The following PTPRM variants were observed in gnomAD, a reference collection of about 807,000 sequenced individuals.
The protein encoded by PTPRM is protein tyrosine phosphatase receptor type M.
Under a neutral mutation model 186.7 loss-of-function variants are expected in PTPRM, and 47 were observed. That is an observed-to-expected ratio of 0.25 (90% CI 0.20 to 0.32). The LOEUF (loss-of-function observed/expected upper bound fraction) is 0.32. PTPRM is among the 10% of genes least tolerant of loss of function. PTPRM has a pLI of 1.00. For missense variants in PTPRM, 1,494 were observed against 1,865.0 expected (o/e 0.80, Z 3.66); for synonymous variants, 668 against 674.9 (o/e 0.99, Z 0.16).
At chr18:8,057,425 C>CTT (rs763829289) in intron 7 of PTPRM, among the ~76,000 whole-genome samples, 152 of 102,488 alleles carry the variant, frequency 1.5e-3, no homozygotes, top group African/African-American at 5.5e-3. Flanking sequence ...TGTGATACTT[C>CTT]TTTTTTTTTT....
At chr18:8,308,924 A>G (rs1319040986) in intron 20 of PTPRM, among the ~76,000 whole-genome samples, 1 of 152,262 alleles carries the variant, frequency 6.6e-6, no homozygotes, top group Non-Finnish European at 1.5e-5. Context: ...CCATCAGCAC[A>G]GAAAGTTCTA....
rs539745415 is a variant in PTPRM at position 8,129,747 on chromosome 18, C to T, written c.2168-13900C>T. On this transcript the variant is annotated intron_variant, in intron 13 of 32. Transcript: ENST00000580170. ...AGAATGGAAAGGAAGTCAGAATTTC[C>T]TTCATCATCATAAGACAGCAGGATG... 6.6e-5 allele frequency among the ~76,000 whole-genome samples: 10 copies of T among 152,178 alleles called. No individual in the cohort carries two copies. The East Asian group carries it at 1.2e-3, about 18-fold the overall frequency.
At chr18:7,577,970 G>A (rs2036733836) in intron 1 of PTPRM, among the ~76,000 whole-genome samples, 2 of 152,150 alleles carry the variant, frequency 1.3e-5, no homozygotes, top group African/African-American at 2.4e-5. Flanking sequence ...AGGACACAGT[G>A]GGGGTCTGAG....
intron 20 of PTPRM, among the ~76,000 whole-genome samples, chr18:8,310,284 C>T (rs1034540834): frequency 1.3e-5 from 2 of 151,812 alleles, no homozygotes; most frequent in Non-Finnish European, 2.9e-5. Context: ...CTCCCCACTC[C>T]CACAGCCCTT....
At chr18:8,380,868 G>A (rs1028008675) in intron 29 of PTPRM, among the ~76,000 whole-genome samples, 3 of 152,124 alleles carry the variant, frequency 2.0e-5, no homozygotes, top group Admixed American at 6.5e-5. Flanking sequence ...GTGCTTCCTG[G>A]CACAGCTCAC....
At chr18:8,389,158 A>G (rs940296136) in intron 31 of PTPRM, among the ~76,000 whole-genome samples, 1 of 152,174 alleles carries the variant, frequency 6.6e-6, no homozygotes. Flanking sequence ...ATTTTTCTAA[A>G]ATACTAAAAA....
chr18:8,087,938 T>A (rs879746975), intron 10 of PTPRM, among the ~76,000 whole-genome samples: 3 of 152,180 alleles, frequency 2.0e-5, no homozygotes, highest in Non-Finnish European at 4.4e-5. Context: ...AAGACCTCTG[T>A]TGCTATCATA....
chr18:8,034,333 A>C (rs879576736), intron 7 of PTPRM, among the ~76,000 whole-genome samples: 1 of 152,070 alleles, frequency 6.6e-6, no homozygotes, highest in Non-Finnish European at 1.5e-5. Context: ...TAAGTCCAAA[A>C]TCCCATTTAA....
chr18:7,946,579 A>G (rs368820354), intron 5 of PTPRM, among the ~76,000 whole-genome samples: 1 of 152,176 alleles, frequency 6.6e-6, no homozygotes, highest in African/African-American at 2.4e-5. Context: ...CTGAATATCT[A>G]TGGAAAGCAG....
intron 7 of PTPRM, among the ~76,000 whole-genome samples, chr18:7,957,596 A>G (rs1049485068): frequency 6.6e-6 from 1 of 152,134 alleles, no homozygotes; most frequent in Non-Finnish European, 1.5e-5. Context: ...ATGTTAGGTG[A>G]AAGGGTCAAA....
intron 22 of PTPRM, among the ~76,000 whole-genome samples, chr18:8,342,433 A>T (rs1477404419): frequency 2.6e-5 from 4 of 152,254 alleles, no homozygotes; most frequent in African/African-American, 9.6e-5. Flanking sequence ...ACAGCCAGTT[A>T]AAAGGCAGAA....
chr18:7,815,759 A>G (rs1014063958), intron 2 of PTPRM: 1 of 152,188 alleles, frequency 6.6e-6, no homozygotes, highest in Admixed American at 6.5e-5. Context: ...GGGAAAGGTT[A>G]TTGATAAAGC....
chr18:8,076,192 G>A (rs2089799105), intron 8 of PTPRM, among the ~76,000 whole-genome samples: 1 of 152,030 alleles, frequency 6.6e-6, no homozygotes, highest in Non-Finnish European at 1.5e-5. Flanking sequence ...TCTTTTGGAA[G>A]AGTAAAAACG....
At position 7,807,153 on chromosome 18, in the gene PTPRM, C is replaced by A. The variant is rs1449728666; in HGVS notation, c.196+32882C>A. Among the ~76,000 whole-genome samples the A allele has an allele frequency of 3.3e-5, 5 of 152,166 alleles. No homozygotes were observed. The East Asian group carries it at 9.6e-4, about 29-fold the overall frequency. On this transcript the variant is annotated intron_variant, in intron 2 of 32. Coordinates refer to ENST00000580170, the MANE Select transcript of PTPRM (RefSeq NM_001105244.2). ...CTGGGTCTGCTTCCAAGTGTTCACGCTTTTTCACGGATTTCAGTTTTCAAA... is the reference window on the plus strand; with the variant it reads ...CTGGGTCTGCTTCCAAGTGTTCACGATTTTTCACGGATTTCAGTTTTCAAA...
chr18:7,975,841 C>A (rs926510471), intron 7 of PTPRM, among the ~76,000 whole-genome samples: 3 of 152,168 alleles, frequency 2.0e-5, no homozygotes, highest in Non-Finnish European at 4.4e-5. Context: ...GATGTTCACA[C>A]AATGATGAAA....
chr18:7,977,484 G>A (rs1475807907), intron 7 of PTPRM, among the ~76,000 whole-genome samples: 2 of 152,108 alleles, frequency 1.3e-5, no homozygotes, highest in East Asian at 1.9e-4. Flanking sequence ...CTTTGTTCTG[G>A]TCCAGGGAAC....
At chr18:8,151,968 G>A (rs1269857821) in intron 14 of PTPRM, among the ~76,000 whole-genome samples, 5 of 152,088 alleles carry the variant, frequency 3.3e-5, no homozygotes, top group African/African-American at 4.8e-5. Context: ...GCTTCGGCTC[G>A]CCCTCCATGG....
At chr18:7,827,890 CTTGTA>C (rs1418451242) in intron 2 of PTPRM, among the ~76,000 whole-genome samples, 2 of 152,202 alleles carry the variant, frequency 1.3e-5, no homozygotes, top group East Asian at 3.8e-4. Flanking sequence ...ACATATTCCA[CTTGTA>C]TTGTTACAGG....
At chr18:8,377,305 G>T (rs913848061) in intron 26 of PTPRM, 2 of 152,192 alleles carry the variant, frequency 1.3e-5, no homozygotes, top group Admixed American at 6.5e-5. Flanking sequence ...TTAAGTTTAT[G>T]AAAGCCTCTG....
Sources: gnomAD v4.1 joint callset for allele counts (sites outside exome capture counted in the v4.1 genomes callset) on GRCh38, gnomAD v4.1.1 for gene constraint, MANE v1.5 for transcripts, NCBI Gene and HGNC (gene_info 2026-07-23, HGNC 2026-07-21) for gene names.